The following PACSIN2 variants were observed in gnomAD, a reference collection of about 807,000 sequenced individuals.
The protein encoded by PACSIN2 is protein kinase C and casein kinase substrate in neurons protein 2.
A neutral mutation model predicts 63.8 loss-of-function variants in PACSIN2; 25 were observed. The observed-to-expected ratio is 0.39, with a 90% CI of 0.29 to 0.55. The LOEUF is 0.55. Among genes scored for constraint, PACSIN2 ranks in the 20% least tolerant of loss-of-function variants. The probability of loss-of-function intolerance (pLI) is 0.62; values close to 1 mark genes in which losing one functional copy is unlikely to be tolerated. For missense variants in PACSIN2, 518 were observed against 646.9 expected, an observed-to-expected ratio of 0.80 and a Z score of 2.16; for synonymous variants, 255 against 256.2, an observed-to-expected ratio of 1.00 and a Z score of 0.05.
intron 1 of PACSIN2, among the ~76,000 whole-genome samples, chr22:42,994,763 C>T (rs906483304): frequency 1.3e-5 from 2 of 152,226 alleles, no homozygotes; most frequent in Non-Finnish European, 2.9e-5. Flanking sequence ...GTCCCACATG[C>T]CCCACCTACG....
chr22:42,987,449 AACACACACACACAC>A (rs745523623), intron 1 of PACSIN2, among the ~76,000 whole-genome samples: 23 of 87,088 alleles, frequency 2.6e-4, no homozygotes, highest in African/African-American at 5.9e-4. Context: ...GTCCAGGAGC[AACACACACACACAC>A]ACACACACAC....
chr22:42,960,049 A>T (rs1934075033), intron 1 of PACSIN2: 1 of 152,212 alleles, frequency 6.6e-6, no homozygotes, highest in Admixed American at 6.5e-5. Flanking sequence ...AAAGTGGCCA[A>T]AGAGAAATTT....
At chr22:42,965,879 TA>T (rs1230354207) in intron 1 of PACSIN2, among the ~76,000 whole-genome samples, 2 of 152,052 alleles carry the variant, frequency 1.3e-5, no homozygotes, top group Non-Finnish European at 2.9e-5. Flanking sequence ...TTCAAATAAG[TA>T]AATCTTAAAT....
chr22:42,893,543 C>T lies in PACSIN2; in HGVS notation c.131G>A (p.Cys44Tyr), dbSNP rs776443473. 32 of 1,614,040 alleles carry T rather than the reference C, an allele frequency of 2.0e-5. No homozygotes were observed. Among genetic ancestry groups the T allele is most frequent in the Non-Finnish European group, 2.5e-5 (30 of 1,180,040 alleles). Residue 44 changes from cysteine to tyrosine, a missense_variant, in exon 3 of 11, where the codon TGC becomes TAC. Cys to Tyr is a radical substitution (Grantham distance 194, BLOSUM62 -2). This residue lies in a region of PACSIN2 where 507 missense variants were observed against 612.3 expected (regional missense o/e 0.83). Coordinates refer to ENST00000263246, the MANE Select transcript of PACSIN2 (RefSeq NM_001184970.3). ...CTCGATGCGCGCCCGCTCATGCAGGCAGTTCATGAGGTCGCTGCACAGGCG... is the reference window on the plus strand; with the variant it reads ...CTCGATGCGCGCCCGCTCATGCAGGTAGTTCATGAGGTCGCTGCACAGGCG... ...GHRLCSDLMN[C>Y]LHERARIEKA... is the part of the protein sequence containing the mutation.
intron 6 of PACSIN2, among the ~76,000 whole-genome samples, chr22:42,883,734 G>T (rs374143383): frequency 5.9e-5 from 9 of 152,232 alleles, no homozygotes; most frequent in Admixed American, 5.2e-4. Flanking sequence ...GGCCAGGTGC[G>T]GTGGCTCACG....
rs1555936911 is a variant in PACSIN2 at position 42,962,775 on chromosome 22, C to CGG, written c.-77-50620_-77-50619dup. On this transcript the variant is annotated intron_variant, in intron 1 of 10. Coordinates refer to ENST00000263246, the MANE Select transcript of PACSIN2 (RefSeq NM_001184970.3). ...CCCAGTCACAAGAGCAAGGTGTGGGCGGGGGGGGGGGGCGGCGCAGAAAAA... is the reference window on the plus strand; with the variant it reads ...CCCAGTCACAAGAGCAAGGTGTGGGCGGGGGGGGGGGGGGCGGCGCAGAAAAA... Among the ~76,000 whole-genome samples, 109 of 16,398 alleles carry CGG rather than the reference C, an allele frequency of 6.6e-3. 3 individuals carry two copies. The highest frequency in any genetic ancestry group is 0.024 in the Middle Eastern group (1 of 42). The allele number at this position is 16,398 out of a possible 152,430, so 10.8% of individuals were successfully genotyped here.
intron 2 of PACSIN2, among the ~76,000 whole-genome samples, chr22:42,903,029 C>A (rs2146699566): frequency 2.0e-5 from 3 of 152,350 alleles, no homozygotes; most frequent in Admixed American, 2.0e-4. Context: ...AGAGCAACTC[C>A]CGGCGCTTCT....
chr22:42,904,015 G>A (rs907971228), intron 2 of PACSIN2, among the ~76,000 whole-genome samples: 4 of 152,126 alleles, frequency 2.6e-5, no homozygotes, highest in African/African-American at 7.2e-5. Context: ...ACTGAGTTAC[G>A]AATCTTTAAC....
At chr22:42,948,023 A>G (rs1171013368) in intron 1 of PACSIN2, among the ~76,000 whole-genome samples, 1 of 152,192 alleles carries the variant, frequency 6.6e-6, no homozygotes, top group African/African-American at 2.4e-5. Context: ...ACAACATGCT[A>G]CGGGGACACA....
chr22:42,907,182 G>C (rs1292750396), intron 2 of PACSIN2, among the ~76,000 whole-genome samples: 1 of 152,218 alleles, frequency 6.6e-6, no homozygotes, highest in Non-Finnish European at 1.5e-5. Flanking sequence ...AGCTTCTCAG[G>C]AAGAGCCAGG....
chr22:42,974,365 G>T (rs1363145528), intron 1 of PACSIN2, among the ~76,000 whole-genome samples: 1 of 152,126 alleles, frequency 6.6e-6, no homozygotes, highest in Non-Finnish European at 1.5e-5. Context: ...TAAACAGTAG[G>T]GAAGGATGCC....
At chr22:42,922,200 G>A (rs1932240553) in intron 1 of PACSIN2, among the ~76,000 whole-genome samples, 1 of 152,216 alleles carries the variant, frequency 6.6e-6, no homozygotes, top group Non-Finnish European at 1.5e-5. Flanking sequence ...GAGGTTAACA[G>A]AGGTTGCTAA....
At chr22:42,990,396 CACT>C (rs1250909638) in intron 1 of PACSIN2, among the ~76,000 whole-genome samples, 1 of 152,128 alleles carries the variant, frequency 6.6e-6, no homozygotes, top group Non-Finnish European at 1.5e-5. Context: ...AAGAACTGCA[CACT>C]ACAATACAAA....
intron 3 of PACSIN2, among the ~76,000 whole-genome samples, chr22:42,891,898 T>TGGGCCCTGGCTAGCCCTGCAC (rs1929940082): frequency 6.6e-6 from 1 of 152,198 alleles, no homozygotes; most frequent in South Asian, 2.1e-4. Context: ...CAGCCCTGCT[T>TGGGCCCTGGCTAGCCCTGCAC]GGCCCCTGGC....
chr22:42,887,837 G>A (rs757651445), intron 5 of PACSIN2, among the ~76,000 whole-genome samples: 2 of 152,096 alleles, frequency 1.3e-5, no homozygotes, highest in Non-Finnish European at 2.9e-5. Context: ...GAAAATCTCC[G>A]CTTCACAACA....
chr22:43,007,100 G>A (rs1452542744), intron 1 of PACSIN2, among the ~76,000 whole-genome samples: 4 of 151,926 alleles, frequency 2.6e-5, no homozygotes, highest in African/African-American at 4.8e-5. Flanking sequence ...TCTTCATCCC[G>A]GTATTTTAAA....
At chr22:42,930,275 CCTAA>C (rs1932758705) in intron 1 of PACSIN2, among the ~76,000 whole-genome samples, 1 of 152,212 alleles carries the variant, frequency 6.6e-6, no homozygotes, top group South Asian at 2.1e-4. Flanking sequence ...TGACATGCAG[CCTAA>C]CTCACACACT....
intron 1 of PACSIN2, among the ~76,000 whole-genome samples, chr22:43,012,170 C>A (rs985416576): frequency 3.4e-5 from 5 of 146,800 alleles, no homozygotes; most frequent in Middle Eastern, 3.6e-3. Flanking sequence ...TACATACATA[C>A]ATACATACAT....
intron 1 of PACSIN2, among the ~76,000 whole-genome samples, chr22:42,915,885 A>G (rs1218267613): frequency 1.3e-5 from 2 of 152,228 alleles, no homozygotes; most frequent in African/African-American, 4.8e-5. Flanking sequence ...TCTAGCAAAG[A>G]TATCCGAAGC....
Sources: gnomAD v4.1 joint callset for allele counts (sites outside exome capture counted in the v4.1 genomes callset) on GRCh38, gnomAD v4.1.1 for gene constraint, gnomAD v4.1.1 regional missense constraint, MANE v1.5 for transcripts, NCBI Gene and HGNC (gene_info 2026-07-23, HGNC 2026-07-21) for gene names.